CFAP74: variants seen among roughly 807,000 people sequenced by gnomAD.
The protein encoded by CFAP74 is cilia and flagella associated protein 74.
CFAP74 carries 124 observed loss-of-function variants against 188.9 expected under a neutral mutation model. The observed-to-expected ratio is 0.66, with a 90% CI of 0.57 to 0.76. The LOEUF (loss-of-function observed/expected upper bound fraction) is 0.76, where lower values mean the gene tolerates loss of function less well. Ranked by LOEUF, CFAP74 falls within the 30% of genes least tolerant of loss-of-function variation. CFAP74 has a pLI of 0.00. For synonymous variants in CFAP74, 956 were observed against 916.7 expected, an observed-to-expected ratio of 1.04 and a Z score of -0.77; for missense variants, 2,198 against 2,165.2, an observed-to-expected ratio of 1.02 and a Z score of -0.30.
In CFAP74 at chr1:1,940,032, T is replaced by C. The variant is rs191297024; in HGVS notation, c.2704-265A>G. Among the ~76,000 whole-genome samples, 28 of 152,298 alleles carry C rather than the reference T, an allele frequency of 1.8e-4. No homozygotes were observed. In the East Asian group the frequency reaches 3.9e-3, roughly 21 times the overall value. On this transcript the variant is annotated intron_variant, in intron 23 of 38. Coordinates refer to ENST00000682832, the MANE Select transcript of CFAP74 (RefSeq NM_001304360.2). Reference sequence around the variant, plus strand: ...TCTGTGTGCGGCACACATGGGCGCATAGACGTGTGCAGCTGAGTGTGTGGG... The same window carrying C: ...TCTGTGTGCGGCACACATGGGCGCACAGACGTGTGCAGCTGAGTGTGTGGG...
chr1:1,986,817 A>G, intron 5 of CFAP74, 120 bp downstream of exon 5: 1 of 775,136 alleles, frequency 1.3e-6, no homozygotes, highest in Non-Finnish European at 2.1e-6. Flanking sequence ...GTGGCCTCAC[A>G]CTGGGGCTCC....
At chr1:1,972,659 A>C (rs929893637) in intron 8 of CFAP74, among the ~76,000 whole-genome samples, 11 of 152,316 alleles carry the variant, frequency 7.2e-5, no homozygotes, top group South Asian at 4.1e-4. Flanking sequence ...CAGCCTGGTC[A>C]ACATGGTGAA....
At chr1:1,924,671 T>C in intron 33 of CFAP74, 151 bp from the exon 34 acceptor site, 1 of 788,104 alleles carries the variant, frequency 1.3e-6, no homozygotes, top group Non-Finnish European at 2.0e-6. Context: ...TGGCGGTTTA[T>C]TGAGCTGTGT....
At chr1:1,934,304 A>C (rs1406700778) in intron 25 of CFAP74, among the ~76,000 whole-genome samples, 10 of 141,308 alleles carry the variant, frequency 7.1e-5, no homozygotes. Flanking sequence ...TTGTAGGTAC[A>C]CAGGTGTACA....
Position 1,968,774 on chromosome 1 carries a change from T to C in CFAP74, c.1106A>G (p.Glu369Gly). The change falls in exon 11 of 39, where the codon GAG (glutamate) becomes GGG (glycine). Residue 369 changes from glutamate (E) to glycine (G), a missense_variant. Coordinates refer to ENST00000682832, the MANE Select transcript of CFAP74 (RefSeq NM_001304360.2). The surrounding 1 kb of genome is among the most constrained non-coding windows in gnomAD (Gnocchi z 4.3). ...CTTCCTCTTTTCCTCCTCAGCCTCC[T>C]CTTTCAGAATCCGACTGATGATCTC... ...KQEIISRILK[E>G]EAEEEKRKKQ... The C allele has an allele frequency of 6.2e-7, 1 of 1,614,124 alleles. No individual in the cohort carries two copies. The highest frequency in any genetic ancestry group is 8.5e-7 in the Non-Finnish European group (1 of 1,179,984).
chr1:1,971,649 A>G (rs1223815893), intron 9 of CFAP74, among the ~76,000 whole-genome samples: 4 of 152,146 alleles, frequency 2.6e-5, no homozygotes, highest in East Asian at 3.8e-4. Flanking sequence ...CCCAGCCTGA[A>G]TCCCCAGCCT....
Position 1,946,400 on chromosome 1 carries a change from C to T in CFAP74, c.2281G>A (p.Val761Met), listed in dbSNP as rs1216636080. The T allele has an allele frequency of 1.0e-5, 16 of 1,536,920 alleles. No individual in the cohort carries two copies. Among genetic ancestry groups the T allele is most frequent in the Non-Finnish European group, 1.4e-5 (16 of 1,146,850 alleles). Residue 761 changes from valine (V) to methionine (M), a missense_variant, in exon 20 of 39, where the codon GTG (valine) becomes ATG (methionine). Transcript: ENST00000682832. ...GEIGPFSSIKVPIVFTPVVPG... is the reference protein window; with the variant it reads ...GEIGPFSSIKMPIVFTPVVPG... Reference sequence around the variant, plus strand: ...ACGACCGGAGTGAAGACGATGGGCACCTTGATGGAGCTGAAGGGGCCAATT... The same window carrying T: ...ACGACCGGAGTGAAGACGATGGGCATCTTGATGGAGCTGAAGGGGCCAATT...
chr1:1,973,032 G>A lies in CFAP74; in HGVS notation c.690C>T (p.Thr230=). 1 of 1,613,700 alleles carries A rather than the reference G, an allele frequency of 6.2e-7. No individual in the cohort carries two copies. The highest frequency in any genetic ancestry group is 8.5e-7 in the Non-Finnish European group (1 of 1,179,818). Residue 230 remains threonine (T), a synonymous_variant, in exon 8 of 39, where the codon ACC becomes ACT. Coordinates refer to ENST00000682832, the MANE Select transcript of CFAP74 (RefSeq NM_001304360.2). The surrounding 1 kb of genome is among the most constrained non-coding windows in gnomAD (Gnocchi z 6.2). ...RLLRIRKSLN[T]QKELGLRHQK... ...GGTGCCTGAGCCCGAGCTCCTTCTG[G>A]GTGTTCAGGGACTTCCTGTGGGGAT...
chr1:1,926,896 GA>G lies in CFAP74; in HGVS notation c.3659del (p.Phe1220SerfsTer22). The G allele has an allele frequency of 6.5e-7, 1 of 1,550,024 alleles. No homozygotes were observed. The highest frequency in any genetic ancestry group is 8.7e-7 in the Non-Finnish European group (1 of 1,146,768). On this transcript the variant is annotated frameshift_variant, in exon 29 of 39. Coordinates refer to ENST00000682832, the MANE Select transcript of CFAP74 (RefSeq NM_001304360.2). LOFTEE classifies it high-confidence loss of function. ...KDRKGSEPLS[F>X]SPHNTLYLEL... is the part of the protein sequence containing the mutation. ...GTTCTGGCCAGAGCACCCCGCACCT[GA>G]AGCTCAGGGGTTCTGACCCCTTCCT...
intron 6 of CFAP74, among the ~76,000 whole-genome samples, chr1:1,981,718 G>A (rs13303298): frequency 1.6e-4 from 20 of 125,544 alleles, no homozygotes; most frequent in East Asian, 5.1e-4. Flanking sequence ...ACACCCAGCC[G>A]CGGACAGACA....
chr1:2,003,555 A>AG (rs1392062861), intron 1 of CFAP74, 146 bp downstream of exon 1: 1 of 152,230 alleles, frequency 6.6e-6, no homozygotes, highest in African/African-American at 2.4e-5. Context: ...GAAACGAACC[A>AG]GGGACTAGAA....
intron 26 of CFAP74, 116 bp downstream of exon 26, chr1:1,929,944 C>T: frequency 8.3e-7 from 1 of 1,210,766 alleles, no homozygotes; most frequent in South Asian, 1.6e-5. Context: ...ACTCCCGCCC[C>T]TGTTCTCCGG....
chr1:1,942,934 C>T lies in CFAP74; in HGVS notation c.2487-778G>A, dbSNP rs1235765695. ...ACCCATGCTGTGGCAGCCTCATCTC[C>T]GTCCATCACAGACCTGCCTCTGACC... On this transcript the variant is annotated intron_variant, in intron 21 of 38. Transcript: ENST00000682832. The surrounding 1 kb of genome is among the most constrained non-coding windows in gnomAD (Gnocchi z 4.3). Among the ~76,000 whole-genome samples the T allele has an allele frequency of 3.3e-5, 5 of 152,182 alleles. No individual in the cohort carries two copies. The highest frequency in any genetic ancestry group is 7.4e-5 in the Non-Finnish European group (5 of 68,026).
At chr1:1,925,759 C>G in intron 33 of CFAP74, 24 bp downstream of exon 33, 1 of 1,600,152 alleles carries the variant, frequency 6.2e-7, no homozygotes, top group Non-Finnish European at 8.5e-7. Context: ...CTGGAGCCAG[C>G]ACCAGGGCCC....
chr1:1,939,941 G>A (rs1045743212), intron 23 of CFAP74, among the ~76,000 whole-genome samples, 174 bp from the exon 24 acceptor site: 1 of 152,244 alleles, frequency 6.6e-6, no homozygotes, highest in African/African-American at 2.4e-5. Context: ...TCCCTGACAT[G>A]GCGGGAGGAG....
At chr1:1,990,335 T>C (rs113165761) in intron 2 of CFAP74, among the ~76,000 whole-genome samples, 2,722 of 130,780 alleles carry the variant, frequency 0.021, 92 homozygotes, top group African/African-American at 0.076. Flanking sequence ...GTAAAAATGA[T>C]GGAAAAGGCA....
intron 25 of CFAP74, 136 bp from the exon 26 acceptor site, chr1:1,930,472 G>T (rs1570829797): frequency 1.2e-6 from 1 of 822,884 alleles, no homozygotes; most frequent in African/African-American, 1.7e-5. Context: ...CTGCCCAGGG[G>T]GTCACTGCGC....
Position 1,926,261 on chromosome 1 carries a change from C to T in CFAP74, c.3915G>A (p.Leu1305=), listed in dbSNP as rs1053104786. 2 of 1,532,492 alleles carry T rather than the reference C, an allele frequency of 1.3e-6. No homozygotes were observed. Among genetic ancestry groups the T allele is most frequent in the African/African-American group, 1.4e-5 (1 of 72,656 alleles). The allele number at this position is 1,532,492 out of a possible 1,614,324, so 94.9% of individuals were successfully genotyped here. ...SLLRAGGTQV[L]VLSFSPHESI... ...TCTCGTGGGGAGAGAAGGAAAGCAC[C>T]AGGACCTGGGTCCCACCTGCACGCA... The change falls in exon 32 of 39, where the codon CTG becomes CTA. Residue 1305 remains leucine, a synonymous_variant. Coordinates refer to ENST00000682832, the MANE Select transcript of CFAP74 (RefSeq NM_001304360.2).
chr1:1,931,444 A>T (rs1652366122), intron 25 of CFAP74, among the ~76,000 whole-genome samples: 2 of 145,404 alleles, frequency 1.4e-5, no homozygotes, highest in African/African-American at 5.1e-5. Flanking sequence ...AAAAAAAAAA[A>T]AAAAAAAAAA....
Sources: allele counts gnomAD v4.1 joint callset (sites outside exome capture counted in the v4.1 genomes callset), GRCh38; gene constraint gnomAD v4.1.1; non-coding constraint Gnocchi (gnomAD v3.1); transcripts MANE v1.5; gene names NCBI Gene and HGNC (gene_info 2026-07-23, HGNC 2026-07-21).